ERC2: variants seen among roughly 807,000 people sequenced by gnomAD.
ERC2 encodes ELKS/RAB6-interacting/CAST family member 2.
A neutral mutation model predicts 114.8 loss-of-function variants in ERC2; 42 were observed. The observed-to-expected ratio is 0.37, with a 90% CI of 0.29 to 0.47. The LOEUF (loss-of-function observed/expected upper bound fraction) is 0.47, where lower values mean the gene tolerates loss of function less well. Among genes scored for constraint, ERC2 ranks in the 20% least tolerant of loss-of-function variants. The probability of loss-of-function intolerance (pLI) is 0.99; values close to 1 mark genes in which losing one functional copy is unlikely to be tolerated. For synonymous variants in ERC2, 454 were observed against 425.5 expected (o/e 1.07, Z -0.82); for missense variants, 939 against 1,150.7 (o/e 0.82, Z 2.66).
chr3:56,350,823 T>A (rs1487170762), intron 2 of ERC2, among the ~76,000 whole-genome samples: 1 of 152,126 alleles, frequency 6.6e-6, no homozygotes, highest in Non-Finnish European at 1.5e-5. Context: ...GCTGTTGGAG[T>A]GGCAGCTGAT....
intron 17 of ERC2, among the ~76,000 whole-genome samples, chr3:55,679,157 C>T (rs972782474): frequency 2.6e-5 from 4 of 152,170 alleles, no homozygotes; most frequent in Admixed American, 6.5e-5. Context: ...AAAGGCCCTA[C>T]GTTTTCTGGT....
chr3:55,943,983 T>C (rs944350769), intron 13 of ERC2, among the ~76,000 whole-genome samples: 2 of 152,190 alleles, frequency 1.3e-5, no homozygotes, highest in Admixed American at 1.3e-4. Flanking sequence ...ATGACACTTA[T>C]TGATTTTCCC....
chr3:56,426,196 C>T (rs1328513377), intron 2 of ERC2, among the ~76,000 whole-genome samples: 4 of 152,140 alleles, frequency 2.6e-5, no homozygotes, highest in African/African-American at 7.2e-5. Flanking sequence ...CAGACTTATA[C>T]TAGTGGAAAG....
chr3:56,033,037 A>AAAGAAAGAAAGAAAGAAAGG (rs2074555772), intron 7 of ERC2, among the ~76,000 whole-genome samples: 1 of 69,414 alleles, frequency 1.4e-5, no homozygotes, highest in Non-Finnish European at 3.5e-5. Context: ...AAACAGAAAG[A>AAAGAAAGAAAGAAAGAAAGG]AAGAAAGAAA....
chr3:56,087,425 T>C (rs116052928), intron 6 of ERC2, among the ~76,000 whole-genome samples: 4,209 of 152,196 alleles, frequency 0.028, 80 homozygotes, highest in Non-Finnish European at 0.042. Context: ...GTGAGGTATG[T>C]TTCCAGAAGT....
Position 56,173,525 on chromosome 3 carries a change from G to C in ERC2, c.1075-5C>G, listed in dbSNP as rs1238857408. ...TTGGCTTCTTCGGTGCAATTCCTGG[G>C]GAGGAACACGATAGAAATAAGCCTG... On this transcript the variant is annotated splice_region_variant and splice_polypyrimidine_tract_variant and intron_variant, in intron 3 of 17. Coordinates refer to ENST00000288221, the MANE Select transcript of ERC2 (RefSeq NM_015576.3). The C allele has an allele frequency of 6.0e-5, 97 of 1,613,552 alleles. No individual in the cohort carries two copies. Among genetic ancestry groups the C allele is most frequent in the Non-Finnish European group, 7.5e-5 (88 of 1,179,704 alleles).
At chr3:55,635,545 C>A (rs960176555) in intron 17 of ERC2, among the ~76,000 whole-genome samples, 1 of 151,984 alleles carries the variant, frequency 6.6e-6, no homozygotes, top group Non-Finnish European at 1.5e-5. Context: ...CGTCCGCCAC[C>A]ACTCCTGGCT....
chr3:55,751,066 G>A (rs568509058), intron 14 of ERC2, among the ~76,000 whole-genome samples: 1 of 152,194 alleles, frequency 6.6e-6, no homozygotes, highest in Non-Finnish European at 1.5e-5. Context: ...GACTTCCACG[G>A]TCTGGAAAAC....
At chr3:55,629,961 C>T (rs975612370) in intron 17 of ERC2, among the ~76,000 whole-genome samples, 4 of 152,034 alleles carry the variant, frequency 2.6e-5, no homozygotes, top group South Asian at 2.1e-4. Context: ...ATAAGCTAGT[C>T]GTACTGGTGG....
chr3:56,360,088 G>A (rs1212640207), intron 2 of ERC2, among the ~76,000 whole-genome samples: 2 of 112,162 alleles, frequency 1.8e-5, no homozygotes, highest in Non-Finnish European at 1.7e-5. Flanking sequence ...TTTTTGAGAC[G>A]GAGTCTCGTT....
At chr3:55,896,379 G>C (rs2063842798) in intron 13 of ERC2, among the ~76,000 whole-genome samples, 1 of 152,228 alleles carries the variant, frequency 6.6e-6, no homozygotes, top group African/African-American at 2.4e-5. Flanking sequence ...TGGTGGCCCA[G>C]CTGGAAGATG....
At chr3:55,906,866 TC>T (rs1356858036) in intron 13 of ERC2, among the ~76,000 whole-genome samples, 3 of 152,190 alleles carry the variant, frequency 2.0e-5, no homozygotes, top group Non-Finnish European at 4.4e-5. Context: ...TGCAAAGGAT[TC>T]CCTGGCTCAT....
At chr3:55,577,484 G>T (rs2057043620) in intron 17 of ERC2, among the ~76,000 whole-genome samples, 1 of 152,190 alleles carries the variant, frequency 6.6e-6, no homozygotes, top group African/African-American at 2.4e-5. Flanking sequence ...TGTAGCATCT[G>T]CTCCCCAGCG....
At chr3:55,628,896 A>G (rs1007651468) in intron 17 of ERC2, among the ~76,000 whole-genome samples, 2 of 152,220 alleles carry the variant, frequency 1.3e-5, no homozygotes, top group Non-Finnish European at 1.5e-5. Context: ...CCTCTGACAT[A>G]TGATACTTTG....
At chr3:56,405,957 A>G (rs1046344504) in intron 2 of ERC2, among the ~76,000 whole-genome samples, 1 of 147,824 alleles carries the variant, frequency 6.8e-6, no homozygotes, top group African/African-American at 2.5e-5. Context: ...CAGTGGCACA[A>G]TCTCGGCTCA....
At chr3:56,066,420 ATTTG>A (rs2076484135) in intron 7 of ERC2, among the ~76,000 whole-genome samples, 1 of 152,034 alleles carries the variant, frequency 6.6e-6, no homozygotes, top group African/African-American at 2.4e-5. Context: ...CTTCTTGTAA[ATTTG>A]TTTAAGTTCC....
At chr3:56,060,835 T>A (rs1416395762) in intron 7 of ERC2, among the ~76,000 whole-genome samples, 1 of 152,160 alleles carries the variant, frequency 6.6e-6, no homozygotes, top group Non-Finnish European at 1.5e-5. Context: ...CTGCCCCTAC[T>A]GCCCCCAAAG....
chr3:56,144,654 G>T (rs923556736), intron 5 of ERC2, among the ~76,000 whole-genome samples: 1 of 152,226 alleles, frequency 6.6e-6, no homozygotes, highest in African/African-American at 2.4e-5. Flanking sequence ...GAAGGGCATG[G>T]CAGGGTCTAC....
At chr3:55,922,705 G>T (rs2065498521) in intron 13 of ERC2, among the ~76,000 whole-genome samples, 1 of 152,078 alleles carries the variant, frequency 6.6e-6, no homozygotes, top group Admixed American at 6.6e-5. Flanking sequence ...AGCTGAAACT[G>T]CATCTGTCTC....
Sources: gnomAD v4.1 joint callset for allele counts (sites outside exome capture counted in the v4.1 genomes callset) on GRCh38, gnomAD v4.1.1 for gene constraint, MANE v1.5 for transcripts, NCBI Gene and HGNC (gene_info 2026-07-23, HGNC 2026-07-21) for gene names.